FOXO3: variants seen among roughly 807,000 people sequenced by gnomAD.
The protein encoded by FOXO3 is forkhead box O3, also known as forkhead box protein O3.
FOXO3 carries 4 observed loss-of-function variants against 41.9 expected under a neutral mutation model. That is an observed-to-expected ratio of 0.10 (90% CI 0.05 to 0.22). The LOEUF is 0.22. Ranked by LOEUF, FOXO3 falls within the 10% of genes least tolerant of loss-of-function variation. FOXO3 has a pLI of 1.00. For missense variants in FOXO3, 534 were observed against 906.8 expected (o/e 0.59, Z 5.28); for synonymous variants, 318 against 389.3 (o/e 0.82, Z 2.16).
At chr6:108,664,998 T>TATTA (rs1689500513) in intron 2 of FOXO3, 109 bp downstream of exon 2, 1 of 1,186,578 alleles carries the variant, frequency 8.4e-7, no homozygotes, top group African/African-American at 1.5e-5. Flanking sequence ...CTGAAAACCA[T>TATTA]GGAGCAGTGG....
intron 1 of FOXO3, among the ~76,000 whole-genome samples, chr6:108,599,557 G>C (rs566840635): frequency 3.3e-5 from 5 of 152,164 alleles, no homozygotes; most frequent in Admixed American, 2.6e-4. Context: ...ATGCTTCTTC[G>C]TGGTCTTTTC....
At chr6:108,621,801 G>A (rs772191725) in intron 1 of FOXO3, among the ~76,000 whole-genome samples, 2 of 152,128 alleles carry the variant, frequency 1.3e-5, no homozygotes, top group Non-Finnish European at 2.9e-5. Flanking sequence ...TACTTTGCCA[G>A]GTAGGTAGTG....
chr6:108,607,843 A>G (rs531924134), intron 1 of FOXO3, among the ~76,000 whole-genome samples: 1 of 152,340 alleles, frequency 6.6e-6, no homozygotes, highest in East Asian at 1.9e-4. Context: ...GGGTTGGGGA[A>G]TAAATACATC....
At chr6:108,665,561 G>A (rs1362677843) in intron 2 of FOXO3, among the ~76,000 whole-genome samples, 1 of 152,078 alleles carries the variant, frequency 6.6e-6, no homozygotes, top group Non-Finnish European at 1.5e-5. Context: ...AGTGTCTCAC[G>A]CCTATAATCC....
At chr6:108,673,043 C>T (rs1019182929) in intron 2 of FOXO3, among the ~76,000 whole-genome samples, 1 of 152,128 alleles carries the variant, frequency 6.6e-6, no homozygotes, top group African/African-American at 2.4e-5. Context: ...TTTCATTGGT[C>T]ATTTGTATGT....
chr6:108,605,114 C>T (rs2128367559), intron 1 of FOXO3, among the ~76,000 whole-genome samples: 1 of 151,032 alleles, frequency 6.6e-6, no homozygotes, highest in African/African-American at 2.4e-5. Context: ...ATATCTAATA[C>T]TAACTTTTCT....
chr6:108,658,990 TCCTCCCACCTCAG>T (rs1778768744), intron 1 of FOXO3, among the ~76,000 whole-genome samples: 1 of 152,086 alleles, frequency 6.6e-6, no homozygotes. Flanking sequence ...GCACAAGTGA[TCCTCCCACCTCAG>T]CCTCCCCAGT....
At chr6:108,604,180 TTAAA>T (rs1429295415) in intron 1 of FOXO3, among the ~76,000 whole-genome samples, 1 of 152,216 alleles carries the variant, frequency 6.6e-6, no homozygotes, top group Admixed American at 6.5e-5. Context: ...CTTTTTACTC[TTAAA>T]TAATCAAGAT....
chr6:108,602,446 A>G (rs764704011), intron 1 of FOXO3, among the ~76,000 whole-genome samples: 8 of 152,190 alleles, frequency 5.3e-5, no homozygotes, highest in Non-Finnish European at 8.8e-5. Context: ...GATCTTTCAG[A>G]GTAACAGAGA....
intron 1 of FOXO3, among the ~76,000 whole-genome samples, chr6:108,627,296 GC>G (rs1777837401): frequency 6.6e-6 from 1 of 152,060 alleles, no homozygotes; most frequent in Admixed American, 6.5e-5. Context: ...AGAGTGAGAA[GC>G]CCCCTACACT....
At chr6:108,595,692 C>T (rs890245482) in intron 1 of FOXO3, among the ~76,000 whole-genome samples, 4 of 152,202 alleles carry the variant, frequency 2.6e-5, no homozygotes, top group Non-Finnish European at 4.4e-5. Flanking sequence ...TGCCTTCCTA[C>T]ATTTCCCATT....
At position 108,657,978 on chromosome 6, in the gene FOXO3, C is replaced by G. The variant is rs74729385; in HGVS notation, c.622-5477C>G. On this transcript the variant is annotated intron_variant, in intron 1 of 2. Coordinates refer to ENST00000406360, the MANE Select transcript of FOXO3 (RefSeq NM_001455.4). ...ACACAGCATTCCCAGGATGTGAAAC[C>G]CCCCTCTGGGCCTGGGGGAGTTGGC... Among the ~76,000 whole-genome samples, 169 of 152,274 alleles carry G rather than the reference C, an allele frequency of 1.1e-3. 2 individuals carry two copies. In the East Asian group the frequency reaches 0.027, roughly 25 times the overall value.
rs1408164397 is a variant in FOXO3 at position 108,684,244 on chromosome 6, A to G, written c.*4452A>G. The G allele has an allele frequency of 6.6e-6, 1 of 152,618 alleles. No individual in the cohort carries two copies. Among genetic ancestry groups the G allele is most frequent in the East Asian group, 1.9e-4 (1 of 5,204 alleles). 9.5% of individuals were successfully genotyped at this position (152,618 alleles called of 1,614,324 possible). ...CACATTATGTACATGGGAAATGTAAACAAATGTGAAGGAGGACCAGAAAAA... is the reference window on the plus strand; with the variant it reads ...CACATTATGTACATGGGAAATGTAAGCAAATGTGAAGGAGGACCAGAAAAA... On this transcript the variant is annotated 3_prime_UTR_variant, in exon 3 of 3. Coordinates refer to ENST00000406360, the MANE Select transcript of FOXO3 (RefSeq NM_001455.4).
rs540971640 is a variant in FOXO3, at chr6:108,683,174, T to A, written c.*3382T>A. The A allele has an allele frequency of 6.5e-6, 1 of 152,764 alleles. No homozygotes were observed. The highest frequency in any genetic ancestry group is 1.9e-4 in the East Asian group (1 of 5,182). The allele number at this position is 152,764 out of a possible 1,614,324, so 9.5% of individuals were successfully genotyped here. A position where few individuals can be genotyped will look rare whatever the true frequency, so the allele number is the denominator to read the frequency against. On this transcript the variant is annotated 3_prime_UTR_variant, in exon 3 of 3. Coordinates refer to ENST00000406360, the MANE Select transcript of FOXO3 (RefSeq NM_001455.4). ...GGGAGGATCAGTCACACATGTGTAG[T>A]ACAAGGCGGACTTTGTGTTTGTTTT...
intron 1 of FOXO3, among the ~76,000 whole-genome samples, chr6:108,564,001 TA>T (rs1460828315): frequency 6.6e-6 from 1 of 151,956 alleles, no homozygotes; most frequent in Non-Finnish European, 1.5e-5. Context: ...TCTCTTCAAC[TA>T]AAATCTTAGA....
rs189350737 is a variant in FOXO3 at position 108,577,276 on chromosome 6, C to T, written c.621+15447C>T. On this transcript the variant is annotated intron_variant, in intron 1 of 2. Coordinates refer to ENST00000406360, the MANE Select transcript of FOXO3 (RefSeq NM_001455.4). ...GGACTGTTACCAAGTCTTTGGCACA[C>T]GAGGGTACTTCCTTGATCGTCTAGC... Among the ~76,000 whole-genome samples, 91 of 152,222 alleles carry T rather than the reference C, an allele frequency of 6.0e-4. 1 individual carries two copies. In the South Asian group the frequency reaches 0.018, roughly 30 times the overall value.
chr6:108,678,663 G>T (rs1770715380), intron 2 of FOXO3, among the ~76,000 whole-genome samples: 1 of 151,652 alleles, frequency 6.6e-6, no homozygotes, highest in Admixed American at 6.6e-5. Context: ...ATTGTTAATG[G>T]GGTGTTTTAT....
chr6:108,634,939 T>C (rs910722333), intron 1 of FOXO3, among the ~76,000 whole-genome samples: 2 of 151,874 alleles, frequency 1.3e-5, no homozygotes, highest in African/African-American at 2.4e-5. Context: ...ATTTTATATA[T>C]AAGGTATTGA....
In FOXO3 at chr6:108,666,982, C is replaced by G. The variant is rs151085382; in HGVS notation, c.*34+2093C>G. Among the ~76,000 whole-genome samples, 1,079 of 152,290 alleles carry G rather than the reference C, an allele frequency of 7.1e-3. 5 individuals are homozygous for G. The highest frequency in any genetic ancestry group is 0.02 in the Middle Eastern group (6 of 294). On this transcript the variant is annotated intron_variant, in intron 2 of 2. Coordinates refer to ENST00000406360, the MANE Select transcript of FOXO3 (RefSeq NM_001455.4). The stretch of plus-strand genomic sequence containing the variant: ...GAATTCAAAGCTGTAAAAACTTGAG[C>G]CTTGTTTAACCCTCTGCCATGATGA...
Sources: allele counts gnomAD v4.1 joint callset (sites outside exome capture counted in the v4.1 genomes callset), GRCh38; gene constraint gnomAD v4.1.1; transcripts MANE v1.5; gene names NCBI Gene and HGNC (gene_info 2026-07-23, HGNC 2026-07-21).